Variants in NRXN2 observed in about 807,000 individuals in gnomAD.
NRXN2 encodes neurexin-2-beta.
A neutral mutation model predicts 128.8 loss-of-function variants in NRXN2; 29 were observed. The ratio of observed to expected loss-of-function variants is 0.23; its 90% CI spans 0.17 to 0.31. NRXN2 has a LOEUF of 0.31. Ranked by LOEUF, NRXN2 falls within the 10% of genes least tolerant of loss-of-function variation. NRXN2 has a pLI of 1.00. For synonymous variants in NRXN2, 1,098 were observed against 1,075.2 expected (o/e 1.02, Z -0.41); for missense variants, 1,881 against 2,452.6 (o/e 0.77, Z 4.92).
intron 6 of NRXN2, among the ~76,000 whole-genome samples, chr11:64,683,619 CA>C (rs146075955): frequency 0.18 from 13,350 of 75,576 alleles, 2,080 homozygotes; most frequent in African/African-American, 0.44. Flanking sequence ...GACTCCATCT[CA>C]AAAAAAAAAA....
chr11:64,670,278 G>T (rs1000688003), intron 7 of NRXN2, among the ~76,000 whole-genome samples: 2 of 152,116 alleles, frequency 1.3e-5, no homozygotes, highest in Admixed American at 6.5e-5. Context: ...TTATTTGAGG[G>T]GAGGGCTGGT....
chr11:64,666,343 A>T (rs1334498793), intron 9 of NRXN2, among the ~76,000 whole-genome samples: 1 of 151,778 alleles, frequency 6.6e-6, no homozygotes, highest in Non-Finnish European at 1.5e-5. Flanking sequence ...CTGGGACTAC[A>T]GGAGTGCACC....
chr11:64,612,376 C>G (rs1051797264), intron 22 of NRXN2, among the ~76,000 whole-genome samples: 14 of 152,288 alleles, frequency 9.2e-5, no homozygotes, highest in African/African-American at 3.1e-4. Flanking sequence ...GGACCCCAGG[C>G]AGCCTCCCGC....
chr11:64,635,267 T>G lies in NRXN2; in HGVS notation c.3585+4A>C, dbSNP rs376770323. The G allele has an allele frequency of 1.9e-6, 3 of 1,612,032 alleles. No homozygotes were observed. The African/African-American group carries it at 4.0e-5, about 22-fold the overall frequency. ...GTTGAAGGGTTGGGGCCCAGGGTCCTTACGATGTGCAGCTGCAGGTAGTCT... is the reference window on the plus strand; with the variant it reads ...GTTGAAGGGTTGGGGCCCAGGGTCCGTACGATGTGCAGCTGCAGGTAGTCT... On this transcript the variant is annotated splice_donor_region_variant and intron_variant, in intron 18 of 22. Coordinates refer to ENST00000265459, the MANE Select transcript of NRXN2 (RefSeq NM_015080.4). The surrounding 1 kb of genome is among the most constrained non-coding windows in gnomAD (Gnocchi z 4.8).
chr11:64,650,702 G>T, intron 14 of NRXN2, 64 bp from the exon 15 acceptor site: 2 of 1,508,656 alleles, frequency 1.3e-6, no homozygotes, highest in Non-Finnish European at 1.8e-6. Context: ...GGTGGGGTGA[G>T]GAGGAGCTAT....
chr11:64,624,639 G>T (rs925400498), intron 20 of NRXN2, among the ~76,000 whole-genome samples: 1 of 152,214 alleles, frequency 6.6e-6, no homozygotes, highest in Non-Finnish European at 1.5e-5. Context: ...TTTCACAATC[G>T]AACAGGTTTC....
chr11:64,655,433 G>A (rs969276826), intron 11 of NRXN2, among the ~76,000 whole-genome samples: 2 of 152,158 alleles, frequency 1.3e-5, no homozygotes, highest in Non-Finnish European at 2.9e-5. Flanking sequence ...GGGGAGGCTG[G>A]ACAGAAGAGG....
intron 5 of NRXN2, among the ~76,000 whole-genome samples, chr11:64,687,095 T>C (rs1565411508): frequency 6.6e-6 from 1 of 152,170 alleles, no homozygotes. Context: ...CCTGCCTACC[T>C]CACTGGACAG....
intron 2 of NRXN2, among the ~76,000 whole-genome samples, chr11:64,704,393 C>T (rs971383183): frequency 4.6e-5 from 7 of 152,074 alleles, no homozygotes; most frequent in African/African-American, 1.7e-4. Flanking sequence ...GGCTACTCTA[C>T]ACACACTGCC....
chr11:64,631,473 A>C lies in NRXN2; in HGVS notation c.3586-900T>G, dbSNP rs2043896483. Among the ~76,000 whole-genome samples, 2 of 151,886 alleles carry C rather than the reference A, an allele frequency of 1.3e-5. No homozygotes were observed. Among genetic ancestry groups the C allele is most frequent in the Admixed American group, 6.6e-5 (1 of 15,260 alleles). On this transcript the variant is annotated intron_variant, in intron 18 of 22. Coordinates refer to ENST00000265459, the MANE Select transcript of NRXN2 (RefSeq NM_015080.4). This position sits in a 1 kb window ranked among gnomAD's most constrained non-coding sequence, Gnocchi z 4.8. ...TGCTTGTGGTGCTAGAGTGGGAGGG[A>C]GGGCTTCACCAAACCCTAAATCATG...
chr11:64,701,912 C>T (rs575645722), intron 2 of NRXN2, among the ~76,000 whole-genome samples: 7,329 of 125,892 alleles, frequency 0.058, 804 homozygotes, highest in African/African-American at 0.22. Flanking sequence ...TGGGGGGGGT[C>T]AGCCCCCCGC....
At chr11:64,653,808 G>T in intron 11 of NRXN2, 86 bp from the exon 12 acceptor site, 2 of 1,040,394 alleles carry the variant, frequency 1.9e-6, no homozygotes, top group Non-Finnish European at 1.4e-6. Flanking sequence ...TTCACAGGGA[G>T]GGGTGTCTGC....
At chr11:64,647,344 C>T (rs146655261) in intron 17 of NRXN2, among the ~76,000 whole-genome samples, 37 of 151,998 alleles carry the variant, frequency 2.4e-4, no homozygotes, top group Non-Finnish European at 4.4e-4. Context: ...GCTGAGGAGG[C>T]TGCACTCTGC....
At chr11:64,676,785 A>T in intron 7 of NRXN2, 1 of 610,050 alleles carries the variant, frequency 1.6e-6, no homozygotes, top group East Asian at 2.8e-5. Flanking sequence ...TGTCTTTTGT[A>T]TTTCAGTTTG....
chr11:64,631,185 G>A lies in NRXN2; in HGVS notation c.3586-612C>T, dbSNP rs570402852. ...GGGGGTGGACCCTCTGCAGCCATGG[G>A]GGTGGAGGTGGGGGGTGTGGACTGT... is the stretch of plus-strand genomic sequence containing the variant. On this transcript the variant is annotated intron_variant, in intron 18 of 22. Transcript: ENST00000265459. The surrounding 1 kb of genome is among the most constrained non-coding windows in gnomAD (Gnocchi z 4.8). 7.9e-5 allele frequency among the ~76,000 whole-genome samples: 12 copies of A among 152,262 alleles called. No homozygotes were observed. The highest frequency in any genetic ancestry group is 2.9e-4 in the African/African-American group (12 of 41,548).
At position 64,668,433 on chromosome 11, in the gene NRXN2, C is replaced by T. The variant is rs1283992563; in HGVS notation, c.1359+10G>A. The T allele has an allele frequency of 6.2e-7, 1 of 1,613,348 alleles. No homozygotes were observed. Among genetic ancestry groups the T allele is most frequent in the Non-Finnish European group, 8.5e-7 (1 of 1,180,022 alleles). ...TGAACAGCCTGCAGCCCCTCCCTAG[C>T]CCTACTCACGTCCTTGAGGCAGCCC... On this transcript the variant is annotated intron_variant, in intron 8 of 22. Transcript: ENST00000265459.
intron 1 of NRXN2, among the ~76,000 whole-genome samples, chr11:64,722,155 G>C (rs983989571): frequency 6.6e-6 from 1 of 151,980 alleles, no homozygotes; most frequent in South Asian, 2.1e-4. Context: ...CTCTTTAGGG[G>C]TGGGGGAGCA....
rs557268486 is a variant in NRXN2 at position 64,702,971 on chromosome 11, T to TA, written c.731-5180dup. On this transcript the variant is annotated intron_variant, in intron 2 of 22. Transcript: ENST00000265459. ...ACCACTGCACTTCAGCCCAGGTCTC[T>TA]AAAAAAAAAAAAAAAAAAAAAAAGA... is the stretch of plus-strand genomic sequence containing the variant. 8.3e-3 allele frequency among the ~76,000 whole-genome samples: 423 copies of TA among 50,852 alleles called. 7 individuals are homozygous for TA. Among genetic ancestry groups the TA allele is most frequent in the Middle Eastern group, 0.021 (2 of 96 alleles). The allele number at this position is 50,852 out of a possible 152,430, so 33.4% of individuals were successfully genotyped here. A position where few individuals can be genotyped will look rare whatever the true frequency, so the allele number is the denominator to read the frequency against.
intron 7 of NRXN2, among the ~76,000 whole-genome samples, chr11:64,670,010 GGGGTCCAT>G (rs2135517700): frequency 6.6e-6 from 1 of 152,250 alleles, no homozygotes; most frequent in South Asian, 2.1e-4. Context: ...CTGGTCTCCA[GGGGTCCAT>G]GGTCTCGGTG....
Sources: allele counts gnomAD v4.1 joint callset (sites outside exome capture counted in the v4.1 genomes callset), GRCh38; gene constraint gnomAD v4.1.1; non-coding constraint Gnocchi (gnomAD v3.1); transcripts MANE v1.5; gene names NCBI Gene and HGNC (gene_info 2026-07-23, HGNC 2026-07-21).